Variants in EIF4E3 observed in about 807,000 individuals in gnomAD.
The protein encoded by EIF4E3 is eukaryotic translation initiation factor 4E family member 3, also known as eukaryotic translation initiation factor 4E type 3.
EIF4E3 carries 26 observed loss-of-function variants against 31.7 expected under a neutral mutation model. The ratio of observed to expected loss-of-function variants is 0.82; its 90% CI spans 0.60 to 1.14. The LOEUF is 1.14. Ranked by LOEUF, EIF4E3 falls within the 50% of genes most tolerant of loss-of-function variation. EIF4E3 has a pLI of 0.00. For synonymous variants in EIF4E3, 128 were observed against 107.7 expected, an observed-to-expected ratio of 1.19 and a Z score of -1.17; for missense variants, 304 against 270.9, an observed-to-expected ratio of 1.12 and a Z score of -0.86.
intron 1 of EIF4E3, among the ~76,000 whole-genome samples, chr3:71,751,884 AACT>A (rs1208408479): frequency 6.6e-6 from 1 of 152,208 alleles, no homozygotes; most frequent in Non-Finnish European, 1.5e-5. Flanking sequence ...CAATGTCAGC[AACT>A]ACTGACCTCC....
At chr3:71,698,412 G>A (rs539258290) in intron 3 of EIF4E3, among the ~76,000 whole-genome samples, 11 of 152,276 alleles carry the variant, frequency 7.2e-5, no homozygotes, top group African/African-American at 2.4e-4. Context: ...CATGTATCAA[G>A]GCCTCATAGG....
In EIF4E3 at chr3:71,725,071, A is replaced by C. The variant is rs1225678488; in HGVS notation, c.176+121T>G. On this transcript the variant is annotated intron_variant, in intron 1 of 6. Transcript: ENST00000425534. This position sits in a 1 kb window ranked among gnomAD's most constrained non-coding sequence, Gnocchi z 6.1. ...CCGGGGTGCGCAGGCGGACGCGCGG[A>C]GGGGCCGAGGTCTGTGCCACAGCGG... 4.0e-6 allele frequency: 3 copies of C among 752,938 alleles called. No individual in the cohort carries two copies. In the African/African-American group the frequency reaches 5.7e-5, roughly 14 times the overall value. The allele number at this position is 752,938 out of a possible 1,614,324, so 46.6% of individuals were successfully genotyped here.
intron 1 of EIF4E3, among the ~76,000 whole-genome samples, chr3:71,746,894 C>A (rs1043042675): frequency 6.6e-6 from 1 of 152,168 alleles, no homozygotes; most frequent in African/African-American, 2.4e-5. Flanking sequence ...TGTGGTCTTT[C>A]GTGTTTGACT....
downstream of EIF4E3, among the ~76,000 whole-genome samples, chr3:71,674,658 CAAGTT>C (rs2048863422): frequency 6.6e-6 from 1 of 152,152 alleles, no homozygotes; most frequent in Non-Finnish European, 1.5e-5. Flanking sequence ...GGACCTCAAA[CAAGTT>C]AAGCTGGGCC....
At chr3:71,687,257 C>T (rs1252340448) in intron 6 of EIF4E3, among the ~76,000 whole-genome samples, 2 of 152,162 alleles carry the variant, frequency 1.3e-5, no homozygotes, top group African/African-American at 2.4e-5. Context: ...CTGCCTCGGC[C>T]TCCCAAAGTG....
the EIF4E3 span, among the ~76,000 whole-genome samples, chr3:71,667,634 G>A: frequency 3.3e-5 from 5 of 152,142 alleles, no homozygotes; most frequent in Admixed American, 2.6e-4. Context: ...GCCAAATCAT[G>A]AGTGAACTCC....
rs1224348934 is a variant in EIF4E3, at chr3:71,681,931, C to G, written c.*2751G>C. 1 of 152,094 alleles carries G rather than the reference C, an allele frequency of 6.6e-6. No individual in the cohort carries two copies. The highest frequency in any genetic ancestry group is 2.4e-5 in the African/African-American group (1 of 41,390). The allele number at this position is 152,094 out of a possible 1,614,324, so 9.4% of individuals were successfully genotyped here. A position where few individuals can be genotyped will look rare whatever the true frequency, so the allele number is the denominator to read the frequency against. ...TTGCTTCATAAAGTGTACCACGAATCTAACAGCAATATTATATTAAATGTA... is the reference window on the plus strand; with the variant it reads ...TTGCTTCATAAAGTGTACCACGAATGTAACAGCAATATTATATTAAATGTA... On this transcript the variant is annotated 3_prime_UTR_variant, in exon 7 of 7. Transcript: ENST00000425534.
At chr3:71,660,133 C>T in the EIF4E3 span, among the ~76,000 whole-genome samples, 1 of 152,132 alleles carries the variant, frequency 6.6e-6, no homozygotes, top group Non-Finnish European at 1.5e-5. Context: ...TGCTCACACT[C>T]AGTGGGTAGG....
At chr3:71,660,873 A>G in the EIF4E3 span, among the ~76,000 whole-genome samples, 1 of 152,266 alleles carries the variant, frequency 6.6e-6, no homozygotes, top group East Asian at 1.9e-4. Context: ...CAGGCCTGAC[A>G]CGGGGCAGGC....
intron 1 of EIF4E3, among the ~76,000 whole-genome samples, chr3:71,741,010 C>T (rs559069078): frequency 1.3e-5 from 2 of 152,156 alleles, no homozygotes; most frequent in South Asian, 4.1e-4. Context: ...GTGGCATTCA[C>T]CTATAGTCCC....
chr3:71,669,528 G>A, the EIF4E3 span, among the ~76,000 whole-genome samples: 2 of 152,138 alleles, frequency 1.3e-5, no homozygotes, highest in African/African-American at 4.8e-5. Context: ...TTTTAAAATT[G>A]TGTTTAGAAT....
At chr3:71,725,435 C>T (rs2049622213), upstream of EIF4E3, 1 of 935,536 alleles carries the variant, frequency 1.1e-6, no homozygotes, top group Non-Finnish European at 1.3e-6. This position sits in a 1 kb window ranked among gnomAD's most constrained non-coding sequence, Gnocchi z 6.1. Flanking sequence ...GAGTCACCCC[C>T]GGCCCCCGCC....
rs923457957 is a variant in EIF4E3 at position 71,702,541 on chromosome 3, G to A, written c.250-2833C>T. 5.9e-5 allele frequency among the ~76,000 whole-genome samples: 9 copies of A among 152,268 alleles called. No individual in the cohort carries two copies. In the South Asian group the frequency reaches 1.9e-3, roughly 32 times the overall value. Reference sequence around the variant, plus strand: ...CATGCTAAGGATTGGAGCTTTAGAAGCTTCTCTTGAAAACAAAAACAGACA... The same window carrying A: ...CATGCTAAGGATTGGAGCTTTAGAAACTTCTCTTGAAAACAAAAACAGACA... On this transcript the variant is annotated intron_variant, in intron 2 of 6. Transcript: ENST00000425534.
chr3:71,746,785 T>G lies in EIF4E3; in HGVS notation c.-291+6678A>C, dbSNP rs191678410. On this transcript the variant is annotated intron_variant, in intron 1 of 7. Transcript: ENST00000295612. ...GCTCTGGACCCATTAGTGGTCACTC[T>G]CCAATCCTTTCCCCCAGCTCCCAGC... Among the ~76,000 whole-genome samples the G allele has an allele frequency of 1.4e-4, 22 of 152,302 alleles. No individual in the cohort carries two copies. The East Asian group carries it at 4.2e-3, about 29-fold the overall frequency.
At chr3:71,664,550 G>A in the EIF4E3 span, among the ~76,000 whole-genome samples, 1 of 152,092 alleles carries the variant, frequency 6.6e-6, no homozygotes. Flanking sequence ...ACAACCTTGG[G>A]GCTTACTGGG....
At chr3:71,738,283 C>T (rs2049783704) in intron 1 of EIF4E3, among the ~76,000 whole-genome samples, 1 of 152,150 alleles carries the variant, frequency 6.6e-6, no homozygotes, top group South Asian at 2.1e-4. Flanking sequence ...AACTGTGATC[C>T]TTCCCCTACC....
intron 1 of EIF4E3, among the ~76,000 whole-genome samples, chr3:71,745,487 G>A (rs927480507): frequency 7.2e-5 from 11 of 151,970 alleles, no homozygotes; most frequent in East Asian, 3.9e-4. Flanking sequence ...CCCCCAAATC[G>A]CCACCATATA....
chr3:71,725,763 C>T (rs1253330079), upstream of EIF4E3, among the ~76,000 whole-genome samples: 1 of 152,028 alleles, frequency 6.6e-6, no homozygotes, highest in Non-Finnish European at 1.5e-5. The surrounding 1 kb of genome is among the most constrained non-coding windows in gnomAD (Gnocchi z 6.1). Flanking sequence ...CGGGATGGAG[C>T]GGCAGGCTAG....
intron 4 of EIF4E3, 38 bp downstream of exon 4, chr3:71,696,422 G>T: frequency 6.2e-7 from 1 of 1,612,240 alleles, no homozygotes; most frequent in Non-Finnish European, 8.5e-7. Flanking sequence ...ACAACTCCAA[G>T]CCTCGCCGGT....
Sources: gnomAD v4.1 joint callset for allele counts (sites outside exome capture counted in the v4.1 genomes callset) on GRCh38, gnomAD v4.1.1 for gene constraint, Gnocchi (gnomAD v3.1) non-coding constraint, MANE v1.5 for transcripts, NCBI Gene and HGNC (gene_info 2026-07-23, HGNC 2026-07-21) for gene names.